Variants in SGMS1 observed in about 807,000 individuals in gnomAD.
The protein encoded by SGMS1 is phosphatidylcholine:ceramide cholinephosphotransferase 1.
Under a neutral mutation model 46.2 loss-of-function variants are expected in SGMS1, and 13 were observed. The ratio of observed to expected loss-of-function variants is 0.28; its 90% CI spans 0.18 to 0.45. The LOEUF (loss-of-function observed/expected upper bound fraction) is 0.45, where lower values mean the gene tolerates loss of function less well. Among genes scored for constraint, SGMS1 ranks in the 20% least tolerant of loss-of-function variants. The pLI, the probability that SGMS1 is intolerant of heterozygous loss-of-function variation, is 1.00. For missense variants in SGMS1, 324 were observed against 519.9 expected (o/e 0.62, Z 3.66); for synonymous variants, 203 against 187.8 (o/e 1.08, Z -0.66).
At chr10:50,471,596 G>C (rs937228647) in intron 3 of SGMS1, among the ~76,000 whole-genome samples, 1 of 152,166 alleles carries the variant, frequency 6.6e-6, no homozygotes, top group African/African-American at 2.4e-5. Context: ...TAAACACAAA[G>C]ACTTTATTCA....
At chr10:50,476,259 G>A (rs1299158789) in intron 3 of SGMS1, among the ~76,000 whole-genome samples, 1 of 131,112 alleles carries the variant, frequency 7.6e-6, no homozygotes, top group Non-Finnish European at 1.6e-5. Context: ...GGGCAACAGA[G>A]CAAGACTCTG....
At chr10:50,365,899 A>G (rs1439811296) in intron 6 of SGMS1, among the ~76,000 whole-genome samples, 1 of 152,174 alleles carries the variant, frequency 6.6e-6, no homozygotes, top group Non-Finnish European at 1.5e-5. Context: ...ACATGTGTGC[A>G]TGTGTCTTTA....
chr10:50,495,018 A>G (rs1837599935), intron 3 of SGMS1, among the ~76,000 whole-genome samples: 1 of 148,714 alleles, frequency 6.7e-6, no homozygotes. Flanking sequence ...CCTGGGCGAC[A>G]GAGCGAGACT....
intron 2 of SGMS1, among the ~76,000 whole-genome samples, chr10:50,562,575 G>A (rs1838250268): frequency 6.6e-6 from 1 of 152,064 alleles, no homozygotes; most frequent in South Asian, 2.1e-4. Context: ...ACGGAGTCTC[G>A]CTCTGTCGCC....
chr10:50,317,295 C>T (rs1847355906), intron 8 of SGMS1, among the ~76,000 whole-genome samples: 1 of 152,214 alleles, frequency 6.6e-6, no homozygotes, highest in Admixed American at 6.5e-5. Context: ...AAAAACATGA[C>T]TTACAGGGTA....
chr10:50,623,928 T>C lies in SGMS1; in HGVS notation c.-905A>G, dbSNP rs1838883410. ...CGCTGCCCCGCTGGTGCGAACGCTT[T>C]CGACTTGCCACCGCGAGCCTCCCGG... is the stretch of plus-strand genomic sequence containing the variant. On this transcript the variant is annotated 5_prime_UTR_variant, in exon 1 of 11. Coordinates refer to ENST00000361781, the MANE Select transcript of SGMS1 (RefSeq NM_147156.4). 2 of 986,342 alleles carry C rather than the reference T, an allele frequency of 2.0e-6. No homozygotes were observed. Among genetic ancestry groups the C allele is most frequent in the Non-Finnish European group, 2.4e-6 (2 of 830,860 alleles). The allele number at this position is 986,342 out of a possible 1,614,324, so 61.1% of individuals were successfully genotyped here.
chr10:50,562,633 T>G (rs1838251224), intron 2 of SGMS1, among the ~76,000 whole-genome samples: 1 of 152,172 alleles, frequency 6.6e-6, no homozygotes, highest in Non-Finnish European at 1.5e-5. Context: ...AAGCTCCGCC[T>G]CCCGGGTTCA....
chr10:50,538,000 A>C lies in SGMS1; in HGVS notation c.-588-18079T>G, dbSNP rs201586834. On this transcript the variant is annotated intron_variant, in intron 2 of 10. Transcript: ENST00000361781. Reference sequence around the variant, plus strand: ...TCTCAAGAAGGCACTGCTACTCAGGAGGCTGGGGCAGGAGGCTTGCTTGAG... The same window carrying C: ...TCTCAAGAAGGCACTGCTACTCAGGCGGCTGGGGCAGGAGGCTTGCTTGAG... 8.5e-5 allele frequency among the ~76,000 whole-genome samples: 13 copies of C among 152,252 alleles called. No homozygotes were observed. In the East Asian group the frequency reaches 2.5e-3, roughly 29 times the overall value.
intron 1 of SGMS1, among the ~76,000 whole-genome samples, chr10:50,591,476 A>C (rs1341989137): frequency 6.6e-6 from 1 of 152,212 alleles, no homozygotes; most frequent in Non-Finnish European, 1.5e-5. Context: ...CTTTCTTAAT[A>C]GTACCATTAA....
intron 7 of SGMS1, 146 bp from the exon 8 acceptor site, chr10:50,327,468 A>G: frequency 8.1e-6 from 5 of 615,748 alleles, no homozygotes; most frequent in Non-Finnish European, 1.4e-5. Flanking sequence ...GGCTAATACC[A>G]GATTAAGACA....
At chr10:50,358,664 C>T (rs928105028) in intron 6 of SGMS1, among the ~76,000 whole-genome samples, 1 of 152,136 alleles carries the variant, frequency 6.6e-6, no homozygotes, top group African/African-American at 2.4e-5. Context: ...ACTCCAGCCT[C>T]CAGCCTGAGC....
chr10:50,321,494 C>A (rs1428002562), intron 8 of SGMS1, among the ~76,000 whole-genome samples: 2 of 151,722 alleles, frequency 1.3e-5, no homozygotes, highest in African/African-American at 4.8e-5. Context: ...AAAGGAAAAG[C>A]AAAGAACAGA....
intron 2 of SGMS1, among the ~76,000 whole-genome samples, chr10:50,538,941 A>C (rs1838028155): frequency 6.6e-6 from 1 of 152,202 alleles, no homozygotes; most frequent in Non-Finnish European, 1.5e-5. Context: ...TCCCCTACTT[A>C]AGCTGATTAC....
chr10:50,551,710 C>T (rs1838149985), intron 2 of SGMS1, among the ~76,000 whole-genome samples: 2 of 152,008 alleles, frequency 1.3e-5, no homozygotes, highest in African/African-American at 4.8e-5. Flanking sequence ...CTGTCTTTGG[C>T]TCCTCTCCCT....
intron 4 of SGMS1, among the ~76,000 whole-genome samples, chr10:50,464,396 T>C (rs184793025): frequency 5.2e-4 from 79 of 152,262 alleles, no homozygotes; most frequent in Admixed American, 1.7e-3. Context: ...CAAGGAAAGG[T>C]ACTCTCCCCC....
chr10:50,424,012 C>A, intron 6 of SGMS1, among the ~76,000 whole-genome samples: 1 of 152,144 alleles, frequency 6.6e-6, no homozygotes, highest in Non-Finnish European at 1.5e-5. Flanking sequence ...CTACACTGAA[C>A]GCGCAAAGAA....
At chr10:50,523,757 C>A (rs1837875752) in intron 2 of SGMS1, among the ~76,000 whole-genome samples, 1 of 152,158 alleles carries the variant, frequency 6.6e-6, no homozygotes, top group African/African-American at 2.4e-5. Context: ...CTTGCAACCC[C>A]AGATACAAAG....
intron 1 of SGMS1, among the ~76,000 whole-genome samples, chr10:50,609,092 C>T (rs1588891571): frequency 6.6e-6 from 1 of 152,108 alleles, no homozygotes; most frequent in Non-Finnish European, 1.5e-5. Flanking sequence ...TCAAGCGATC[C>T]TCCCACCTCA....
Position 50,450,148 on chromosome 10 carries a change from T to C in SGMS1, c.-313+10525A>G, listed in dbSNP as rs917425027. Among the ~76,000 whole-genome samples the C allele has an allele frequency of 3.3e-5, 5 of 152,034 alleles. No individual in the cohort carries two copies. The East Asian group carries it at 5.8e-4, about 18-fold the overall frequency. On this transcript the variant is annotated intron_variant, in intron 5 of 10. Transcript: ENST00000361781. ...AAGACAGTTGATTCAGCAACAAAAATGTGGAAGAAGAAATAATTTCTATAA... is the reference window on the plus strand; with the variant it reads ...AAGACAGTTGATTCAGCAACAAAAACGTGGAAGAAGAAATAATTTCTATAA...
Sources: allele counts gnomAD v4.1 joint callset (sites outside exome capture counted in the v4.1 genomes callset), GRCh38; gene constraint gnomAD v4.1.1; transcripts MANE v1.5; gene names NCBI Gene and HGNC (gene_info 2026-07-23, HGNC 2026-07-21).